Variants in BRINP3 observed in about 807,000 individuals in gnomAD.
BRINP3 encodes BMP/retinoic acid-inducible neural-specific protein 3.
Under a neutral mutation model 71.0 loss-of-function variants are expected in BRINP3, and 19 were observed. That is an observed-to-expected ratio of 0.27 (90% CI 0.19 to 0.39). BRINP3 has a LOEUF of 0.39. Ranked by LOEUF, BRINP3 falls within the 10% of genes least tolerant of loss-of-function variation. The probability of loss-of-function intolerance (pLI) is 1.00; values close to 1 mark genes in which losing one functional copy is unlikely to be tolerated. For synonymous variants in BRINP3, 380 were observed against 337.7 expected (o/e 1.13, Z -1.37); for missense variants, 959 against 940.8 (o/e 1.02, Z -0.25).
intron 2 of BRINP3, among the ~76,000 whole-genome samples, chr1:190,352,974 G>T (rs1668494787): frequency 1.3e-5 from 2 of 150,988 alleles, no homozygotes; most frequent in African/African-American, 4.9e-5. Context: ...GCTTCTACCA[G>T]ACACATGGGT....
intron 6 of BRINP3, among the ~76,000 whole-genome samples, chr1:190,198,646 C>G (rs1484466867): frequency 6.6e-6 from 1 of 152,110 alleles, no homozygotes; most frequent in Non-Finnish European, 1.5e-5. Context: ...CTGCCAGTCT[C>G]TTTGCAAGGA....
At chr1:190,146,378 T>A (rs1655888245) in intron 7 of BRINP3, among the ~76,000 whole-genome samples, 1 of 152,202 alleles carries the variant, frequency 6.6e-6, no homozygotes, top group East Asian at 1.9e-4. Flanking sequence ...CCCACTTGAA[T>A]GTTACACTCA....
chr1:190,343,905 G>T (rs1352945475), intron 2 of BRINP3, among the ~76,000 whole-genome samples: 1 of 151,526 alleles, frequency 6.6e-6, no homozygotes, highest in Non-Finnish European at 1.5e-5. Context: ...CTAAGTCCAT[G>T]GTGCCAAAAA....
chr1:190,258,728 G>T (rs1660899394), intron 4 of BRINP3, among the ~76,000 whole-genome samples: 1 of 152,158 alleles, frequency 6.6e-6, no homozygotes, highest in Non-Finnish European at 1.5e-5. Context: ...TGATGACCTT[G>T]ATTTCTTTTA....
At chr1:190,257,428 C>T (rs1025059812) in intron 4 of BRINP3, among the ~76,000 whole-genome samples, 2 of 152,030 alleles carry the variant, frequency 1.3e-5, no homozygotes, top group Admixed American at 1.3e-4. Flanking sequence ...GCGATGGGTT[C>T]GAACATCGTC....
At chr1:190,267,509 A>G (rs1014492517) in intron 3 of BRINP3, among the ~76,000 whole-genome samples, 11 of 151,758 alleles carry the variant, frequency 7.2e-5, no homozygotes, top group African/African-American at 2.7e-4. Flanking sequence ...ACATGAGTTA[A>G]CTACATGATT....
chr1:190,180,538 C>T (rs567704194), intron 6 of BRINP3, among the ~76,000 whole-genome samples: 2 of 151,938 alleles, frequency 1.3e-5, no homozygotes, highest in African/African-American at 2.4e-5. Flanking sequence ...ATAAGTAAGA[C>T]GTTTTACAGG....
chr1:190,283,352 A>T (rs1174021316), intron 2 of BRINP3, among the ~76,000 whole-genome samples: 1 of 151,948 alleles, frequency 6.6e-6, no homozygotes, highest in Non-Finnish European at 1.5e-5. Context: ...TGCATTTTAA[A>T]CAGACATGCT....
chr1:190,105,513 C>T lies in BRINP3; in HGVS notation c.1185-6379G>A, dbSNP rs185613457. On this transcript the variant is annotated intron_variant, in intron 7 of 7. Coordinates refer to ENST00000367462, the MANE Select transcript of BRINP3 (RefSeq NM_199051.3). ...TCATTTTCACAACTCTCACTACTCC[C>T]TGATATAAGTATGCTTGTTATCCTA... is the stretch of plus-strand genomic sequence containing the variant. 3.1e-4 allele frequency among the ~76,000 whole-genome samples: 47 copies of T among 152,148 alleles called. 2 individuals are homozygous for T. Among genetic ancestry groups the T allele is most frequent in the Admixed American group, 9.8e-4 (15 of 15,252 alleles).
chr1:190,263,102 TA>T (rs1356483208), intron 4 of BRINP3, among the ~76,000 whole-genome samples: 2 of 152,164 alleles, frequency 1.3e-5, no homozygotes, highest in Non-Finnish European at 2.9e-5. Flanking sequence ...AGCTATATAA[TA>T]AAATCATTTA....
chr1:190,297,248 T>C (rs1664319587), intron 2 of BRINP3, among the ~76,000 whole-genome samples: 1 of 152,096 alleles, frequency 6.6e-6, no homozygotes, highest in Non-Finnish European at 1.5e-5. Flanking sequence ...TATATGGTTA[T>C]CTAATTTTTG....
At chr1:190,461,300 C>T (rs900123843) in intron 1 of BRINP3, among the ~76,000 whole-genome samples, 2 of 152,104 alleles carry the variant, frequency 1.3e-5, no homozygotes, top group African/African-American at 2.4e-5. Flanking sequence ...TAGTTTATTG[C>T]GGTTCCTCTG....
chr1:190,258,483 A>G (rs1660876286), intron 4 of BRINP3, among the ~76,000 whole-genome samples: 1 of 151,962 alleles, frequency 6.6e-6, no homozygotes, highest in Admixed American at 6.6e-5. Flanking sequence ...GAAAAGATCA[A>G]CGAAGTTGAA....
At chr1:190,195,660 G>T (rs1654416240) in intron 6 of BRINP3, among the ~76,000 whole-genome samples, 1 of 151,824 alleles carries the variant, frequency 6.6e-6, no homozygotes, top group Admixed American at 6.6e-5. Context: ...TTCGTCCAGA[G>T]CTGTAAGCTT....
At chr1:190,417,768 C>A (rs1673105124) in intron 2 of BRINP3, among the ~76,000 whole-genome samples, 1 of 152,030 alleles carries the variant, frequency 6.6e-6, no homozygotes, top group African/African-American at 2.4e-5. Context: ...CTTTCTTCTC[C>A]TAAACTAAAA....
At chr1:190,365,386 C>T (rs1418030998) in intron 2 of BRINP3, among the ~76,000 whole-genome samples, 1 of 151,602 alleles carries the variant, frequency 6.6e-6, no homozygotes, top group African/African-American at 2.4e-5. Context: ...CTGCTGGGTG[C>T]TAAACCTGCA....
At chr1:190,188,679 T>G (rs986849394) in intron 6 of BRINP3, among the ~76,000 whole-genome samples, 3 of 152,208 alleles carry the variant, frequency 2.0e-5, no homozygotes, top group African/African-American at 7.2e-5. Flanking sequence ...GTTTGGATTA[T>G]CTCATATCCC....
rs59999723 is a variant in BRINP3 at position 190,370,621 on chromosome 1, G to A, written c.236+84034C>T. Among the ~76,000 whole-genome samples the A allele has an allele frequency of 3.3e-3, 504 of 152,326 alleles. 2 individuals are homozygous for A. The highest frequency in any genetic ancestry group is 0.011 in the African/African-American group (463 of 41,588). ...ATAACCAGACTTATGCGAAAAGTAG[G>A]TTAGAGGATATTTGGCGGCAGTGGG... On this transcript the variant is annotated intron_variant, in intron 2 of 7. Transcript: ENST00000367462.
intron 6 of BRINP3, among the ~76,000 whole-genome samples, chr1:190,171,018 C>T (rs2102496036): frequency 6.6e-6 from 1 of 152,170 alleles, no homozygotes; most frequent in Non-Finnish European, 1.5e-5. Context: ...AGAAAAGTTG[C>T]TGAACACACA....
Sources: gnomAD v4.1 joint callset for allele counts (sites outside exome capture counted in the v4.1 genomes callset) on GRCh38, gnomAD v4.1.1 for gene constraint, MANE v1.5 for transcripts, NCBI Gene and HGNC (gene_info 2026-07-23, HGNC 2026-07-21) for gene names.